The following EZH2 variants were observed in gnomAD, a reference collection of about 807,000 sequenced individuals.
The protein encoded by EZH2 is histone-lysine N-methyltransferase EZH2.
In EZH2, 18 loss-of-function variants were observed where a neutral mutation model predicts 98.4. That is an observed-to-expected ratio of 0.18 (90% CI 0.13 to 0.27). The LOEUF is 0.27. Among genes scored for constraint, EZH2 ranks in the 10% least tolerant of loss-of-function variants. The pLI is 1.00. For missense variants in EZH2, 470 were observed against 935.1 expected (o/e 0.50, Z 6.49); for synonymous variants, 338 against 312.3 (o/e 1.08, Z -0.87).
At chr7:148,881,371 G>A (rs759716284) in intron 1 of EZH2, among the ~76,000 whole-genome samples, 2 of 152,068 alleles carry the variant, frequency 1.3e-5, no homozygotes, top group Non-Finnish European at 2.9e-5. Flanking sequence ...ATTTTTAAAT[G>A]GCCAACATAA....
intron 4 of EZH2, 78 bp from the exon 5 acceptor site, chr7:148,829,926 T>G (rs960764085): frequency 5.4e-6 from 6 of 1,107,502 alleles, no homozygotes; most frequent in Admixed American, 2.6e-5. Context: ...CAACCTTTTT[T>G]TCATGTGTAC....
At position 148,833,467 on chromosome 7, in the gene EZH2, A is replaced by T. The variant is rs1809995568; in HGVS notation, c.247-717T>A. ...GCGAAACTCCGTCTCAAAAAAAAAA[A>T]AAATAAAATAAAATAAAATAAAAAG... On this transcript the variant is annotated intron_variant, in intron 3 of 19. Transcript: ENST00000320356. Among the ~76,000 whole-genome samples the T allele has an allele frequency of 2.4e-4, 5 of 21,054 alleles. No homozygotes were observed. The South Asian group carries it at 6.2e-3, about 26-fold the overall frequency. The allele number at this position is 21,054 out of a possible 152,430, so 13.8% of individuals were successfully genotyped here.
chr7:148,864,376 T>C (rs888775526), intron 1 of EZH2, among the ~76,000 whole-genome samples: 7 of 152,178 alleles, frequency 4.6e-5, no homozygotes, highest in Admixed American at 1.3e-4. Context: ...ACTAACTGAA[T>C]TGACATCTAA....
intron 8 of EZH2, among the ~76,000 whole-genome samples, chr7:148,823,066 T>TA (rs1181473630): frequency 6.6e-6 from 1 of 152,150 alleles, no homozygotes; most frequent in African/African-American, 2.4e-5. Flanking sequence ...AAGCAGAGAT[T>TA]AAAAAACAAA....
chr7:148,826,387 A>C, intron 8 of EZH2, 67 bp downstream of exon 8: 2 of 1,205,748 alleles, frequency 1.7e-6, no homozygotes, highest in Admixed American at 3.2e-5. Context: ...AGTTGTAATA[A>C]ATGATAGCAC....
intron 8 of EZH2, among the ~76,000 whole-genome samples, chr7:148,820,456 A>G (rs1284682714): frequency 6.6e-6 from 1 of 152,216 alleles, no homozygotes; most frequent in Non-Finnish European, 1.5e-5. Context: ...TACAAGATGA[A>G]AATTAATTTG....
chr7:148,867,442 T>C (rs73747716), intron 1 of EZH2, among the ~76,000 whole-genome samples: 3,655 of 152,306 alleles, frequency 0.024, 139 homozygotes, highest in African/African-American at 0.084. Context: ...TGTTGATTAC[T>C]ATAACATTAC....
chr7:148,883,824 G>T (rs1417370660), intron 1 of EZH2, among the ~76,000 whole-genome samples: 1 of 151,770 alleles, frequency 6.6e-6, no homozygotes, highest in African/African-American at 2.4e-5. Flanking sequence ...CCCTGGACCG[G>T]GCACCGGAAC....
At chr7:148,829,286 CA>C (rs1034994920) in intron 5 of EZH2, among the ~76,000 whole-genome samples, 12 of 152,040 alleles carry the variant, frequency 7.9e-5, no homozygotes, top group African/African-American at 2.7e-4. Flanking sequence ...CTCCTGGACA[CA>C]AAAAACTGAA....
intron 1 of EZH2, among the ~76,000 whole-genome samples, chr7:148,876,469 AGTT>A (rs1394583452): frequency 1.3e-5 from 2 of 152,216 alleles, no homozygotes; most frequent in Admixed American, 6.5e-5. Flanking sequence ...ACTTCAATAC[AGTT>A]GTTGTTTTAA....
chr7:148,810,783 C>G (rs1284465899), intron 16 of EZH2, among the ~76,000 whole-genome samples: 1 of 151,746 alleles, frequency 6.6e-6, no homozygotes, highest in Non-Finnish European at 1.5e-5. Flanking sequence ...GTAATCCCAG[C>G]TACTCGGGAC....
intron 1 of EZH2, among the ~76,000 whole-genome samples, chr7:148,868,126 C>A (rs112118948): frequency 0.013 from 1,950 of 152,276 alleles, 41 homozygotes; most frequent in African/African-American, 0.046. Context: ...CAAACTGTAC[C>A]AACCTGTGCC....
intron 9 of EZH2, chr7:148,819,183 T>C (rs1031261856): frequency 1.2e-5 from 5 of 405,806 alleles, no homozygotes; most frequent in African/African-American, 8.4e-5. Context: ...CTGTGGAACC[T>C]ATCACATAGC....
intron 1 of EZH2, among the ~76,000 whole-genome samples, chr7:148,862,025 C>T (rs949010138): frequency 1.3e-5 from 2 of 152,214 alleles, no homozygotes; most frequent in South Asian, 2.1e-4. Flanking sequence ...TTGTGGATCT[C>T]GTGCTTTGAT....
chr7:148,828,544 C>T, intron 6 of EZH2, among the ~76,000 whole-genome samples, 196 bp downstream of exon 6: 1 of 152,098 alleles, frequency 6.6e-6, no homozygotes, highest in East Asian at 1.9e-4. Flanking sequence ...CCCACCTTAG[C>T]CTCCCAAGTG....
At position 148,837,865 on chromosome 7, in the gene EZH2, T is replaced by C. The variant is rs190626725; in HGVS notation, c.247-5115A>G. ...AATTCATATCAGATTGTAAATTATT[T>C]CAGTTTGTGTTGTTCAGTATTTGTT... is the stretch of plus-strand genomic sequence containing the variant. On this transcript the variant is annotated intron_variant, in intron 3 of 19. Transcript: ENST00000320356. 2.0e-5 allele frequency among the ~76,000 whole-genome samples: 3 copies of C among 152,332 alleles called. No homozygotes were observed. The East Asian group carries it at 5.8e-4, about 29-fold the overall frequency.
chr7:148,873,164 C>T (rs1585298599), intron 1 of EZH2, among the ~76,000 whole-genome samples: 1 of 151,360 alleles, frequency 6.6e-6, no homozygotes, highest in Admixed American at 6.6e-5. Context: ...GCCTGGGCAA[C>T]AGAGTGAAAC....
intron 1 of EZH2, among the ~76,000 whole-genome samples, chr7:148,881,913 G>A (rs1187894440): frequency 1.4e-5 from 2 of 146,352 alleles, no homozygotes; most frequent in African/African-American, 2.5e-5. Flanking sequence ...CAGCCTGGAC[G>A]ACAGAGCAAG....
chr7:148,860,571 C>T (rs1817517156), intron 1 of EZH2, among the ~76,000 whole-genome samples: 1 of 152,164 alleles, frequency 6.6e-6, no homozygotes, highest in African/African-American at 2.4e-5. Context: ...CACCATTCTT[C>T]AGCATTTTGG....
Sources: allele counts gnomAD v4.1 joint callset (sites outside exome capture counted in the v4.1 genomes callset), GRCh38; gene constraint gnomAD v4.1.1; transcripts MANE v1.5; gene names NCBI Gene and HGNC (gene_info 2026-07-23, HGNC 2026-07-21).